ZBTB40: variants seen among roughly 807,000 people sequenced by gnomAD.
The protein encoded by ZBTB40 is zinc finger and BTB domain-containing protein 40.
In ZBTB40, 60 loss-of-function variants were observed where a neutral mutation model predicts 117.5. The ratio of observed to expected loss-of-function variants is 0.51; its 90% confidence interval spans 0.41 to 0.63. The LOEUF is 0.63. ZBTB40 is among the 30% of genes least tolerant of loss of function. The pLI is 0.00. For missense variants in ZBTB40, 1,287 were observed against 1,498.5 expected, an observed-to-expected ratio of 0.86 and a Z score of 2.33; for synonymous variants, 525 against 577.1, an observed-to-expected ratio of 0.91 and a Z score of 1.29.
chr1:22,471,232 A>G (rs756763331), intron 1 of ZBTB40, among the ~76,000 whole-genome samples: 6 of 152,220 alleles, frequency 3.9e-5, no homozygotes, highest in Non-Finnish European at 7.4e-5. Context: ...CCCAGATAAC[A>G]TATCACCATC....
At chr1:22,518,997 C>G (rs952807052) in intron 13 of ZBTB40, among the ~76,000 whole-genome samples, 1 of 152,186 alleles carries the variant, frequency 6.6e-6, no homozygotes, top group South Asian at 2.1e-4. Context: ...CCAGGCCCCC[C>G]TCTCTCTCCC....
At chr1:22,488,175 T>G (rs540434762) in intron 1 of ZBTB40, among the ~76,000 whole-genome samples, 24 of 152,360 alleles carry the variant, frequency 1.6e-4, no homozygotes, top group African/African-American at 5.8e-4. Context: ...ATGTTGCCTT[T>G]TAGTTATTTA....
chr1:22,524,260 G>A lies in ZBTB40; in HGVS notation c.3341G>A (p.Arg1114His), dbSNP rs148499656. 1.4e-4 allele frequency: 227 copies of A among 1,614,070 alleles called. No homozygotes were observed. In the Admixed American group the frequency reaches 1.5e-3, roughly 10 times the overall value. ...FRCLYCAATF[R>H]FPGALQHHVT... is the part of the protein sequence containing the mutation. Reference sequence around the variant, plus strand: ...TGCTTGTACTGTGCTGCTACTTTCCGTTTTCCTGGAGCATTGCAGCACCAT... The same window carrying A: ...TGCTTGTACTGTGCTGCTACTTTCCATTTTCCTGGAGCATTGCAGCACCAT... Residue 1114 changes from arginine (R) to histidine (H), a missense_variant, in exon 17 of 18, where the codon CGT becomes CAT. Coordinates refer to ENST00000375647, the MANE Select transcript of ZBTB40 (RefSeq NM_014870.4).
intron 11 of ZBTB40, 104 bp downstream of exon 11, chr1:22,512,238 CT>C: frequency 7.7e-7 from 1 of 1,300,462 alleles, no homozygotes; most frequent in Non-Finnish European, 1.1e-6. Context: ...TGTGGGTGGG[CT>C]TAGAAAATAG....
At chr1:22,482,228 A>G (rs1024954585) in intron 1 of ZBTB40, among the ~76,000 whole-genome samples, 10 of 152,232 alleles carry the variant, frequency 6.6e-5, no homozygotes, top group Admixed American at 3.9e-4. Context: ...TGAATGCCCA[A>G]CAATATTAGG....
intron 8 of ZBTB40, 116 bp from the exon 9 acceptor site, chr1:22,508,984 C>T: frequency 6.5e-7 from 1 of 1,540,868 alleles, no homozygotes; most frequent in Non-Finnish European, 9.0e-7. Flanking sequence ...CTGCCAACCT[C>T]AGATAGGAGA....
At chr1:22,442,365 A>T (rs1640743234) in intron 1 of ZBTB40, among the ~76,000 whole-genome samples, 1 of 152,150 alleles carries the variant, frequency 6.6e-6, no homozygotes, top group African/African-American at 2.4e-5. Flanking sequence ...CTGCTCTGCC[A>T]CAGTCAGAGG....
chr1:22,474,758 T>C (rs142059346), intron 1 of ZBTB40, among the ~76,000 whole-genome samples: 2 of 152,254 alleles, frequency 1.3e-5, no homozygotes, highest in East Asian at 3.9e-4. Context: ...GGAAGGAGAT[T>C]GGACTAAGGT....
At chr1:22,507,687 C>G (rs565413581) in intron 6 of ZBTB40, among the ~76,000 whole-genome samples, 76 of 152,314 alleles carry the variant, frequency 5.0e-4, no homozygotes, top group African/African-American at 1.7e-3. Context: ...CAAACACCCC[C>G]CCTTGAACCT....
At chr1:22,482,628 C>T (rs967827794) in intron 1 of ZBTB40, among the ~76,000 whole-genome samples, 2 of 152,080 alleles carry the variant, frequency 1.3e-5, no homozygotes, top group African/African-American at 2.4e-5. Context: ...TAAAAATCCT[C>T]TGTGCTTTGC....
At chr1:22,475,282 G>C (rs1352223997) in intron 1 of ZBTB40, among the ~76,000 whole-genome samples, 3 of 152,132 alleles carry the variant, frequency 2.0e-5, no homozygotes, top group Non-Finnish European at 4.4e-5. Flanking sequence ...GCTGTTCCTA[G>C]TTCAGTGTGC....
intron 12 of ZBTB40, among the ~76,000 whole-genome samples, chr1:22,515,403 C>A (rs548991576): frequency 2.0e-5 from 3 of 152,302 alleles, no homozygotes; most frequent in Admixed American, 2.0e-4. Context: ...AAATGCTGGC[C>A]TAAAACAACC....
At position 22,513,549 on chromosome 1, in the gene ZBTB40, A is replaced by T. The variant is rs1327923121; in HGVS notation, c.2668+419A>T. On this transcript the variant is annotated intron_variant, in intron 12 of 17. Transcript: ENST00000375647. The surrounding 1 kb of genome is among the most constrained non-coding windows in gnomAD (Gnocchi z 4.9). Reference sequence around the variant, plus strand: ...CCCCATCTGTACTAAAAAATACAAAAAATTAGCCAGGCGTGGTGGCGGGCA... The same window carrying T: ...CCCCATCTGTACTAAAAAATACAAATAATTAGCCAGGCGTGGTGGCGGGCA... 6.6e-6 allele frequency among the ~76,000 whole-genome samples: 1 copy of T among 151,916 alleles called. No individual in the cohort carries two copies. Among genetic ancestry groups the T allele is most frequent in the African/African-American group, 2.4e-5 (1 of 41,384 alleles).
intron 1 of ZBTB40, among the ~76,000 whole-genome samples, chr1:22,441,164 A>G (rs1004583223): frequency 1.3e-5 from 2 of 152,118 alleles, no homozygotes; most frequent in Non-Finnish European, 2.9e-5. Flanking sequence ...TACTGATTAT[A>G]GGTGTGTTCA....
At chr1:22,449,215 C>A (rs1321163899), upstream of ZBTB40, among the ~76,000 whole-genome samples, 1 of 152,106 alleles carries the variant, frequency 6.6e-6, no homozygotes, top group African/African-American at 2.4e-5. Flanking sequence ...AGCAGAGGCA[C>A]CTCGGGCATC....
intron 2 of ZBTB40, 41 bp from the exon 3 acceptor site, chr1:22,491,359 G>A: frequency 6.2e-7 from 1 of 1,609,782 alleles, no homozygotes; most frequent in Non-Finnish European, 8.5e-7. Context: ...TTTATTTCAA[G>A]TAATGAATTT....
intron 8 of ZBTB40, 150 bp downstream of exon 8, chr1:22,508,881 T>C: frequency 9.1e-7 from 1 of 1,096,608 alleles, no homozygotes; most frequent in Non-Finnish European, 1.3e-6. Flanking sequence ...GACACAAGAG[T>C]TTGTAAACCT....
chr1:22,497,338 A>T (rs1638806631), intron 3 of ZBTB40, among the ~76,000 whole-genome samples: 1 of 152,202 alleles, frequency 6.6e-6, no homozygotes, highest in African/African-American at 2.4e-5. Context: ...TGATGTTTTC[A>T]GCCGTGTCGC....
intron 13 of ZBTB40, 188 bp downstream of exon 13, chr1:22,517,652 T>C (rs1234125961): frequency 5.9e-6 from 4 of 683,656 alleles, no homozygotes; most frequent in Non-Finnish European, 7.0e-6. Context: ...AGGTATCTCA[T>C]ATAACGCTTA....
Sources: gnomAD v4.1 joint callset for allele counts (sites outside exome capture counted in the v4.1 genomes callset) on GRCh38, gnomAD v4.1.1 for gene constraint, Gnocchi (gnomAD v3.1) non-coding constraint, MANE v1.5 for transcripts, NCBI Gene and HGNC (gene_info 2026-07-23, HGNC 2026-07-21) for gene names.